Variants in CUZD1 observed in about 807,000 individuals in gnomAD.
CUZD1 encodes CUB and zona pellucida like domains 1.
CUZD1 carries 42 observed loss-of-function variants against 53.1 expected under a neutral mutation model. The observed-to-expected ratio is 0.79, with a 90% CI of 0.62 to 1.02. The LOEUF (loss-of-function observed/expected upper bound fraction) is 1.02. Among genes scored for constraint, CUZD1 ranks in the 50% least tolerant of loss-of-function variants. The pLI, the probability that CUZD1 is intolerant of heterozygous loss-of-function variation, is 0.00. For synonymous variants in CUZD1, 238 were observed against 257.2 expected, an observed-to-expected ratio of 0.93 and a Z score of 0.71; for missense variants, 670 against 715.7, an observed-to-expected ratio of 0.94 and a Z score of 0.73.
At chr10:122,840,748 A>C (rs1376610588) in intron 2 of CUZD1, among the ~76,000 whole-genome samples, 1 of 152,184 alleles carries the variant, frequency 6.6e-6, no homozygotes, top group Non-Finnish European at 1.5e-5. Context: ...AGAGATTATA[A>C]TCTAATCATA....
intron 1 of CUZD1, among the ~76,000 whole-genome samples, chr10:122,843,150 C>T (rs1401172639): frequency 1.3e-5 from 2 of 152,170 alleles, no homozygotes; most frequent in African/African-American, 4.8e-5. Flanking sequence ...CACATAAAAA[C>T]TTGTATACTA....
intron 2 of CUZD1, among the ~76,000 whole-genome samples, chr10:122,840,617 G>A (rs761156804): frequency 6.6e-6 from 1 of 152,118 alleles, no homozygotes; most frequent in South Asian, 2.1e-4. Context: ...GCGGAGTCAT[G>A]TTCTCAGCTT....
intron 3 of CUZD1, 85 bp downstream of exon 3, chr10:122,838,932 T>G: frequency 9.8e-7 from 1 of 1,024,086 alleles, no homozygotes; most frequent in Non-Finnish European, 1.5e-6. Flanking sequence ...ATACTCAGAC[T>G]GAAGATTATA....
intron 8 of CUZD1, among the ~76,000 whole-genome samples, chr10:122,832,963 T>C (rs192055208): frequency 2.0e-4 from 30 of 152,368 alleles, no homozygotes; most frequent in Admixed American, 1.9e-3. Context: ...AATTTAACTT[T>C]TGTTTTTCTG....
intron 8 of CUZD1, 143 bp from the exon 9 acceptor site, chr10:122,832,593 G>A (rs1847177051): frequency 1.4e-5 from 6 of 442,532 alleles, no homozygotes; most frequent in Non-Finnish European, 3.8e-6. Flanking sequence ...ACAATATAGA[G>A]GAACCATTAT....
At chr10:122,835,359 T>C (rs1206476825) in intron 6 of CUZD1, among the ~76,000 whole-genome samples, 1 of 152,176 alleles carries the variant, frequency 6.6e-6, no homozygotes, top group East Asian at 1.9e-4. Context: ...GTAAAATCCA[T>C]TTTGATTGCA....
intron 2 of CUZD1, among the ~76,000 whole-genome samples, chr10:122,840,255 C>T (rs185160808): frequency 1.3e-5 from 2 of 152,344 alleles, no homozygotes; most frequent in East Asian, 3.9e-4. Flanking sequence ...GCAGCATCAA[C>T]ATCACCTGGG....
rs543090449 is a variant in CUZD1 at position 122,836,859 on chromosome 10, G to T, written c.789C>A (p.Thr263=). ...TGTTGATGTTTTCTGCATAAATTGA[G>T]GTGTAGGAAGCAGAAAATCCCCGGT... The part of the protein sequence containing the change: ...NSYRGFSASY[T]SIYAENINTT... The change falls in exon 5 of 9, where the codon ACC becomes ACA. Residue 263 remains threonine, a synonymous_variant. Transcript: ENST00000392790. The T allele has an allele frequency of 6.2e-7, 1 of 1,613,304 alleles. No individual in the cohort carries two copies. Among genetic ancestry groups the T allele is most frequent in the Non-Finnish European group, 8.5e-7 (1 of 1,179,346 alleles).
At chr10:122,842,008 G>A (rs1211621216) in intron 1 of CUZD1, among the ~76,000 whole-genome samples, 1 of 150,668 alleles carries the variant, frequency 6.6e-6, no homozygotes, top group Non-Finnish European at 1.5e-5. Context: ...TTTTATATAT[G>A]CTGAATACAA....
In CUZD1 at chr10:122,841,948, C is replaced by CT. The variant is rs911006587; in HGVS notation, c.83-621dup. Among the ~76,000 whole-genome samples, 56 of 147,600 alleles carry CT rather than the reference C, an allele frequency of 3.8e-4. 1 individual carries two copies. The highest frequency in any genetic ancestry group is 6.4e-4 in the African/African-American group (26 of 40,326). On this transcript the variant is annotated intron_variant, in intron 1 of 8. Coordinates refer to ENST00000392790, the MANE Select transcript of CUZD1 (RefSeq NM_022034.6). ...GGTAAGTATCTCTCAGTCTTTTGCC[C>CT]TTTTTTTTTTAACTTGGCTTTTTGT...
chr10:122,842,664 T>C (rs967150137), intron 1 of CUZD1, among the ~76,000 whole-genome samples: 2 of 152,204 alleles, frequency 1.3e-5, no homozygotes, highest in African/African-American at 4.8e-5. Context: ...GGGATTTGTA[T>C]TGGAATTGCA....
chr10:122,834,685 A>G (rs757424430), intron 7 of CUZD1, 21 bp downstream of exon 7: 1 of 1,537,700 alleles, frequency 6.5e-7, no homozygotes, highest in Non-Finnish European at 8.8e-7. Flanking sequence ...TCATACATAC[A>G]TCAGTTACAT....
intron 7 of CUZD1, among the ~76,000 whole-genome samples, chr10:122,834,363 A>C (rs937291073): frequency 4.6e-5 from 7 of 152,240 alleles, no homozygotes; most frequent in African/African-American, 4.8e-5. Context: ...GATAACGCAC[A>C]TGAAATAATC....
chr10:122,844,641 G>A (rs1446588849), intron 1 of CUZD1, among the ~76,000 whole-genome samples: 4 of 152,156 alleles, frequency 2.6e-5, no homozygotes, highest in African/African-American at 7.2e-5. Context: ...GCCAAAGCGG[G>A]TGGATCACTT....
At chr10:122,841,501 C>G (rs531915646) in intron 1 of CUZD1, among the ~76,000 whole-genome samples, 173 bp from the exon 2 acceptor site, 3 of 152,132 alleles carry the variant, frequency 2.0e-5, no homozygotes, top group African/African-American at 7.2e-5. Flanking sequence ...CGTCTTGAAC[C>G]CTTTGAGGAG....
intron 5 of CUZD1, 82 bp downstream of exon 5, chr10:122,836,749 C>T: frequency 1.8e-6 from 2 of 1,085,814 alleles, no homozygotes; most frequent in Non-Finnish European, 2.8e-6. Context: ...GGAATAGCCA[C>T]AGGTAGGCTA....
intron 1 of CUZD1, among the ~76,000 whole-genome samples, chr10:122,844,597 G>C (rs1251874367): frequency 6.6e-6 from 1 of 152,162 alleles, no homozygotes; most frequent in South Asian, 2.1e-4. Context: ...GCTGGGCGTG[G>C]TGACTCACAC....
At chr10:122,836,399 G>A in intron 5 of CUZD1, 49 bp from the exon 6 acceptor site, 1 of 1,456,090 alleles carries the variant, frequency 6.9e-7, no homozygotes, top group Non-Finnish European at 9.1e-7. Flanking sequence ...ATGCCAGCTA[G>A]GAATGTTGGA....
chr10:122,832,452 TA>T lies in CUZD1; in HGVS notation c.1652-3del. ...CCGCATGTGTTTCATGCTGAAATCC[TA>T]AAATTGGAAACAAGATGAAAATCAC... On this transcript the variant is annotated splice_region_variant and splice_polypyrimidine_tract_variant and intron_variant, in intron 8 of 8. Coordinates refer to ENST00000392790, the MANE Select transcript of CUZD1 (RefSeq NM_022034.6). 1 of 1,612,122 alleles carries T rather than the reference TA, an allele frequency of 6.2e-7. No homozygotes were observed. The highest frequency in any genetic ancestry group is 1.1e-5 in the South Asian group (1 of 90,808).
Sources: allele counts gnomAD v4.1 joint callset (sites outside exome capture counted in the v4.1 genomes callset), GRCh38; gene constraint gnomAD v4.1.1; transcripts MANE v1.5; gene names NCBI Gene and HGNC (gene_info 2026-07-23, HGNC 2026-07-21).